ALPK2: variants seen among roughly 807,000 people sequenced by gnomAD.
ALPK2 encodes alpha kinase 2.
In ALPK2, 127 loss-of-function variants were observed where a neutral mutation model predicts 163.1. The observed-to-expected ratio is 0.78, with a 90% confidence interval of 0.67 to 0.90. ALPK2 has a LOEUF of 0.90. ALPK2 is among the 40% of genes least tolerant of loss of function. The pLI is 0.00. For missense variants in ALPK2, 2,360 were observed against 2,589.6 expected (o/e 0.91, Z 1.92); for synonymous variants, 953 against 959.1 (o/e 0.99, Z 0.12).
At chr18:58,608,256 T>C (rs111802142) in intron 2 of ALPK2, among the ~76,000 whole-genome samples, 5 of 152,360 alleles carry the variant, frequency 3.3e-5, no homozygotes, top group Middle Eastern at 3.4e-3. Flanking sequence ...GTTTGGAATG[T>C]AGGCTTCCCA....
chr18:58,523,134 A>G (rs1245882625), intron 8 of ALPK2, among the ~76,000 whole-genome samples: 10 of 134,620 alleles, frequency 7.4e-5, no homozygotes, highest in East Asian at 4.5e-4. Context: ...TCATTGTTCA[A>G]TTCCCATCTA....
chr18:58,495,420 C>T (rs1427361414), intron 12 of ALPK2, among the ~76,000 whole-genome samples: 1 of 152,118 alleles, frequency 6.6e-6, no homozygotes, highest in Admixed American at 6.5e-5. Flanking sequence ...CAGCATTCTG[C>T]ACTGGGCTCC....
intron 9 of ALPK2, 52 bp from the exon 10 acceptor site, chr18:58,515,133 A>C (rs745506075): frequency 2.5e-5 from 33 of 1,337,250 alleles, no homozygotes; most frequent in Non-Finnish European, 3.4e-5. Context: ...AAATTCAGAC[A>C]GTATTGCCCA....
chr18:58,513,157 TGTG>T (rs550697220), intron 10 of ALPK2, among the ~76,000 whole-genome samples: 86 of 148,234 alleles, frequency 5.8e-4, no homozygotes, highest in East Asian at 1.8e-3. Context: ...GTATGTGTGG[TGTG>T]GGGGTGTGTG....
At chr18:58,528,648 CTGTTGT>C (rs149704914) in intron 6 of ALPK2, 1 of 171,830 alleles carries the variant, frequency 5.8e-6, no homozygotes, top group Non-Finnish European at 1.2e-5. Context: ...TCATAGATTG[CTGTTGT>C]TGTTGTTTTT....
intron 4 of ALPK2, among the ~76,000 whole-genome samples, chr18:58,567,320 G>A (rs995999267): frequency 1.3e-5 from 2 of 151,962 alleles, no homozygotes; most frequent in Non-Finnish European, 2.9e-5. Flanking sequence ...GGAGGCGGAG[G>A]TTGCAGTGAG....
Position 58,535,942 on chromosome 18 carries a change from G to C in ALPK2, c.4245C>G (p.Thr1415=), listed in dbSNP as rs1424605271. 3.1e-6 allele frequency: 5 copies of C among 1,614,144 alleles called. No individual in the cohort carries two copies. Among genetic ancestry groups the C allele is most frequent in the Non-Finnish European group, 4.2e-6 (5 of 1,180,016 alleles). Reference sequence around the variant, plus strand: ...CAGAGGGCTCTGGTTTTCCAGCCCTGGTGTACTCTATCACACTTATCTCAT... The same window carrying C: ...CAGAGGGCTCTGGTTTTCCAGCCCTCGTGTACTCTATCACACTTATCTCAT... ...PIDEISVIEY[T]RAGKPEPSET... Residue 1415 remains threonine, a synonymous_variant, in exon 5 of 13, where the codon ACC becomes ACG. Coordinates refer to ENST00000361673, the MANE Select transcript of ALPK2 (RefSeq NM_052947.4).
At chr18:58,505,567 C>T (rs2051457760) in intron 10 of ALPK2, among the ~76,000 whole-genome samples, 1 of 152,110 alleles carries the variant, frequency 6.6e-6, no homozygotes, top group Non-Finnish European at 1.5e-5. Context: ...TTTCTCTCCT[C>T]CATCAATATT....
At chr18:58,615,275 C>A (rs2052160098) in intron 1 of ALPK2, among the ~76,000 whole-genome samples, 1 of 152,162 alleles carries the variant, frequency 6.6e-6, no homozygotes. Flanking sequence ...CCCCACTCTT[C>A]ATATTCCTAG....
At chr18:58,514,741 C>A (rs2051512103) in intron 10 of ALPK2, among the ~76,000 whole-genome samples, 1 of 151,368 alleles carries the variant, frequency 6.6e-6, no homozygotes, top group South Asian at 2.1e-4. Context: ...AATCCATACA[C>A]CCATCCATCC....
At chr18:58,490,145 GA>G (rs1208122990) in intron 12 of ALPK2, among the ~76,000 whole-genome samples, 10 of 152,092 alleles carry the variant, frequency 6.6e-5, no homozygotes, top group African/African-American at 2.2e-4. Flanking sequence ...CTTGACAACA[GA>G]AATCTTGTTT....
Position 58,537,812 on chromosome 18 carries a change from C to T in ALPK2, c.2375G>A (p.Cys792Tyr). ...TDTALTLENV[C>Y]DEPRDREAVC... Reference sequence around the variant, plus strand: ...TGCTTCTCTGTCCCTTGGCTCATCACACACATTTTCCAGGGTGAGGGCAGT... The same window carrying T: ...TGCTTCTCTGTCCCTTGGCTCATCATACACATTTTCCAGGGTGAGGGCAGT... The change falls in exon 5 of 13, where the codon TGT becomes TAT. Residue 792 changes from cysteine to tyrosine, a missense_variant. Transcript: ENST00000361673. 1.2e-6 allele frequency: 2 copies of T among 1,614,164 alleles called. No homozygotes were observed. Among genetic ancestry groups the T allele is most frequent in the Non-Finnish European group, 1.7e-6 (2 of 1,180,026 alleles).
intron 4 of ALPK2, among the ~76,000 whole-genome samples, chr18:58,559,786 G>T (rs1023035090): frequency 6.6e-6 from 1 of 152,184 alleles, no homozygotes; most frequent in African/African-American, 2.4e-5. Flanking sequence ...CACAGTCTGC[G>T]TGAGGAATGG....
Position 58,540,678 on chromosome 18 carries a change from C to G in ALPK2, c.1963-2454G>C, listed in dbSNP as rs575664362. Among the ~76,000 whole-genome samples the G allele has an allele frequency of 3.3e-5, 5 of 152,332 alleles. No individual in the cohort carries two copies. The South Asian group carries it at 8.3e-4, about 25-fold the overall frequency. On this transcript the variant is annotated intron_variant, in intron 4 of 12. Coordinates refer to ENST00000361673, the MANE Select transcript of ALPK2 (RefSeq NM_052947.4). ...CCCCATCAAAAGCACCACCACCCCT[C>G]TCTCCGGCCTTTCTATCCTGCCTGC...
In ALPK2 at chr18:58,565,758, CCTTCCTTCCTTCCTTT is replaced by C. The variant is rs1365129369; in HGVS notation, c.1962+13040_1962+13055del. Reference sequence around the variant, plus strand: ...TCCTTCCTTCCTTCCTTCCTTCCTTCCTTCCTTCCTTCCTTTCTTTCTTTCTTTCTTCCTTTCTTCC... The same window carrying C: ...TCCTTCCTTCCTTCCTTCCTTCCTTCCTTTCTTTCTTTCTTCCTTTCTTCC... On this transcript the variant is annotated intron_variant, in intron 4 of 12. Coordinates refer to ENST00000361673, the MANE Select transcript of ALPK2 (RefSeq NM_052947.4). Among the ~76,000 whole-genome samples, 46 of 144,820 alleles carry C rather than the reference CCTTCCTTCCTTCCTTT, an allele frequency of 3.2e-4. No individual in the cohort carries two copies. The East Asian group carries it at 8.2e-3, about 26-fold the overall frequency.
chr18:58,579,072 T>C lies in ALPK2; in HGVS notation c.1704A>G (p.Lys568=), dbSNP rs1368515863. 2.5e-6 allele frequency: 4 copies of C among 1,614,106 alleles called. No individual in the cohort carries two copies. In the East Asian group the frequency reaches 8.9e-5, roughly 36 times the overall value. ...TEGTLHLCSA[K]ESAEPPLTQS... is the part of the protein sequence containing the mutation. Reference sequence around the variant, plus strand: ...GGGTTAGTGGGGGCTCAGCAGATTCTTTGGCAGAGCAGAGATGAAGGGTAC... The same window carrying C: ...GGGTTAGTGGGGGCTCAGCAGATTCCTTGGCAGAGCAGAGATGAAGGGTAC... Residue 568 remains lysine (K), a synonymous_variant, in exon 4 of 13, where the codon AAA becomes AAG. Coordinates refer to ENST00000361673, the MANE Select transcript of ALPK2 (RefSeq NM_052947.4).
rs1194038720 is a variant in ALPK2 at position 58,578,870 on chromosome 18, G to T, written c.1906C>A (p.Gln636Lys). The T allele has an allele frequency of 6.2e-7, 1 of 1,613,882 alleles. No homozygotes were observed. Among genetic ancestry groups the T allele is most frequent in the Non-Finnish European group, 8.5e-7 (1 of 1,180,018 alleles). Reference protein sequence around the residue: ...GNTNCKGEGMQVNTLFETSQV... With the variant: ...GNTNCKGEGMKVNTLFETSQV... ...CTTGTTTCAAATAGAGTATTAACTTGCATGCCTTCTCCCTTGCAATTTGTG... is the reference window on the plus strand; with the variant it reads ...CTTGTTTCAAATAGAGTATTAACTTTCATGCCTTCTCCCTTGCAATTTGTG... The change falls in exon 4 of 13, where the codon CAA becomes AAA. Residue 636 changes from glutamine to lysine, a missense_variant. Gln to Lys is a moderately conservative substitution (Grantham distance 53, BLOSUM62 1). Coordinates refer to ENST00000361673, the MANE Select transcript of ALPK2 (RefSeq NM_052947.4).
chr18:58,576,002 A>G (rs1017460776), intron 4 of ALPK2, among the ~76,000 whole-genome samples: 1 of 152,210 alleles, frequency 6.6e-6, no homozygotes, highest in Non-Finnish European at 1.5e-5. Context: ...ATGAAGAGAA[A>G]ATACTAGGAA....
chr18:58,560,372 A>G (rs1053282911), intron 4 of ALPK2, among the ~76,000 whole-genome samples: 3 of 152,198 alleles, frequency 2.0e-5, no homozygotes, highest in Admixed American at 2.0e-4. Flanking sequence ...ATTCTTGGGT[A>G]TGTCTTTATC....
Sources: allele counts gnomAD v4.1 joint callset (sites outside exome capture counted in the v4.1 genomes callset), GRCh38; gene constraint gnomAD v4.1.1; transcripts MANE v1.5; gene names NCBI Gene and HGNC (gene_info 2026-07-23, HGNC 2026-07-21).